Variants in AGMO observed in about 807,000 individuals in gnomAD.
AGMO encodes alkylglycerol monooxygenase, also known as glyceryl-ether monooxygenase.
Under a neutral mutation model 60.2 loss-of-function variants are expected in AGMO, and 75 were observed. The observed-to-expected ratio is 1.25, with a 90% CI of 1.03 to 1.51. The LOEUF (loss-of-function observed/expected upper bound fraction) is 1.51, where lower values mean the gene tolerates loss of function less well. Among genes scored for constraint, AGMO ranks in the 40% most tolerant of loss-of-function variants. The probability of loss-of-function intolerance (pLI) is 0.00; values close to 1 mark genes in which losing one functional copy is unlikely to be tolerated. For missense variants in AGMO, 763 were observed against 525.5 expected (o/e 1.45, Z -4.42); for synonymous variants, 261 against 177.1 (o/e 1.47, Z -3.76).
chr7:15,297,507 A>G (rs891553937), intron 12 of AGMO, among the ~76,000 whole-genome samples: 1 of 152,200 alleles, frequency 6.6e-6, no homozygotes, highest in Non-Finnish European at 1.5e-5. Context: ...TTTTGAAAGA[A>G]AAAGTTCAAC....
chr7:15,358,500 A>C (rs1460053202), intron 12 of AGMO: 1 of 463,364 alleles, frequency 2.2e-6, no homozygotes, highest in African/African-American at 2.0e-5. Context: ...TTCAGTCAGA[A>C]CTGTGAATTA....
intron 6 of AGMO, among the ~76,000 whole-genome samples, chr7:15,391,979 G>GCCAC: frequency 6.6e-6 from 1 of 152,142 alleles, no homozygotes; most frequent in Non-Finnish European, 1.5e-5. Flanking sequence ...AAGCAGGCGT[G>GCCAC]GGCATGCGAA....
intron 12 of AGMO, among the ~76,000 whole-genome samples, chr7:15,207,525 A>G (rs1230444210): frequency 1.3e-5 from 2 of 152,190 alleles, no homozygotes; most frequent in Non-Finnish European, 2.9e-5. Context: ...GAATTTCTAA[A>G]TATTTTGATA....
rs1297054809 is a variant in AGMO at position 15,506,170 on chromosome 7, C to T, written c.409+38602G>A. The stretch of plus-strand genomic sequence containing the variant: ...TGAACTCAGATACTTGAATATTGCT[C>T]AAAACCTCCAAAGATACACTGAGTA... On this transcript the variant is annotated intron_variant, in intron 3 of 12. Coordinates refer to ENST00000342526, the MANE Select transcript of AGMO (RefSeq NM_001004320.2). Among the ~76,000 whole-genome samples, 3 of 152,118 alleles carry T rather than the reference C, an allele frequency of 2.0e-5. No homozygotes were observed. In the South Asian group the frequency reaches 6.2e-4, roughly 32 times the overall value.
intron 12 of AGMO, among the ~76,000 whole-genome samples, chr7:15,346,646 T>C (rs552575786): frequency 1.3e-5 from 2 of 151,724 alleles, no homozygotes; most frequent in Admixed American, 6.6e-5. Context: ...AAAGAAGTTA[T>C]ACTCAGAAAT....
At chr7:15,354,608 GAA>G (rs1694591394) in intron 12 of AGMO, among the ~76,000 whole-genome samples, 1 of 141,006 alleles carries the variant, frequency 7.1e-6, no homozygotes, top group African/African-American at 2.6e-5. Flanking sequence ...TACATCTTGA[GAA>G]AGACTATACC....
chr7:15,221,773 C>A (rs535045677), intron 12 of AGMO, among the ~76,000 whole-genome samples: 9 of 152,260 alleles, frequency 5.9e-5, no homozygotes, highest in Non-Finnish European at 1.2e-4. Flanking sequence ...TAGCCACTTG[C>A]CCTTCCCCTA....
chr7:15,561,455 G>A (rs1023660619), intron 1 of AGMO, among the ~76,000 whole-genome samples: 4 of 152,184 alleles, frequency 2.6e-5, no homozygotes, highest in African/African-American at 9.6e-5. Context: ...ATGCCATGGA[G>A]TCCAGGAAAA....
intron 12 of AGMO, among the ~76,000 whole-genome samples, chr7:15,226,640 C>A (rs1001746304): frequency 6.6e-6 from 1 of 151,980 alleles, no homozygotes; most frequent in Non-Finnish European, 1.5e-5. Context: ...TGCATAAGAC[C>A]TTTATTATTA....
intron 12 of AGMO, among the ~76,000 whole-genome samples, chr7:15,365,282 T>C (rs1782925808): frequency 6.7e-6 from 1 of 149,558 alleles, no homozygotes. Context: ...CCAACAACTC[T>C]ATGAGGTTGA....
chr7:15,424,183 A>C (rs568197033), intron 4 of AGMO, among the ~76,000 whole-genome samples: 1 of 152,200 alleles, frequency 6.6e-6, no homozygotes, highest in African/African-American at 2.4e-5. Flanking sequence ...TAAAACCTTC[A>C]AAATTTGTGG....
At chr7:15,340,271 G>C (rs1480198782) in intron 12 of AGMO, among the ~76,000 whole-genome samples, 1 of 152,164 alleles carries the variant, frequency 6.6e-6, no homozygotes, top group Admixed American at 6.5e-5. Context: ...TGTCACATGA[G>C]GCCAGGTGTG....
chr7:15,544,678 G>A (rs908787086), intron 3 of AGMO, 94 bp downstream of exon 3: 3 of 1,035,932 alleles, frequency 2.9e-6, no homozygotes, highest in Non-Finnish European at 2.6e-6. Flanking sequence ...TTTTATTCCT[G>A]TATTTATCCA....
intron 12 of AGMO, chr7:15,306,394 T>G (rs745903861): frequency 2.7e-6 from 1 of 373,594 alleles, no homozygotes; most frequent in Non-Finnish European, 5.4e-6. Context: ...ATCTTTATTA[T>G]TTTCAAGCTA....
intron 3 of AGMO, among the ~76,000 whole-genome samples, chr7:15,543,656 G>A (rs971377610): frequency 5.3e-5 from 8 of 151,916 alleles, no homozygotes; most frequent in African/African-American, 9.7e-5. Flanking sequence ...TATTGTGTAC[G>A]TTTTTAGACT....
chr7:15,339,501 TTA>T (rs1210276795), intron 12 of AGMO, among the ~76,000 whole-genome samples: 1 of 152,206 alleles, frequency 6.6e-6, no homozygotes, highest in Non-Finnish European at 1.5e-5. Flanking sequence ...TCAGCTGGAA[TTA>T]TGTCAGAAGA....
At chr7:15,495,686 G>T (rs966557627) in intron 3 of AGMO, among the ~76,000 whole-genome samples, 5 of 152,092 alleles carry the variant, frequency 3.3e-5, no homozygotes, top group African/African-American at 4.8e-5. Flanking sequence ...TCACAGTTCT[G>T]GTGGCCGAGA....
chr7:15,194,043 A>G, the AGMO span, among the ~76,000 whole-genome samples: 1 of 152,210 alleles, frequency 6.6e-6, no homozygotes, highest in African/African-American at 2.4e-5. Context: ...TAATTTAGAA[A>G]GAACACTGCT....
intron 5 of AGMO, among the ~76,000 whole-genome samples, chr7:15,409,920 T>G (rs61365660): frequency 0.054 from 8,188 of 151,774 alleles, 722 homozygotes; most frequent in African/African-American, 0.19. Context: ...CAAATTCTAA[T>G]GAGTTGTTAT....
Sources: allele counts gnomAD v4.1 joint callset (sites outside exome capture counted in the v4.1 genomes callset), GRCh38; gene constraint gnomAD v4.1.1; transcripts MANE v1.5; gene names NCBI Gene and HGNC (gene_info 2026-07-23, HGNC 2026-07-21).